Variants in CD2 observed in about 807,000 individuals in gnomAD.
The protein encoded by CD2 is CD2 molecule.
In CD2, 18 loss-of-function variants were observed where a neutral mutation model predicts 23.2. The ratio of observed to expected loss-of-function variants is 0.77; its 90% CI spans 0.54 to 1.15. The LOEUF is 1.15. Among genes scored for constraint, CD2 ranks in the 50% most tolerant of loss-of-function variants. The probability of loss-of-function intolerance (pLI) is 0.00; values close to 1 mark genes in which losing one functional copy is unlikely to be tolerated. For synonymous variants in CD2, 162 were observed against 151.9 expected (o/e 1.07, Z -0.49); for missense variants, 424 against 423.1 (o/e 1.00, Z -0.02).
intron 4 of CD2, 76 bp from the exon 5 acceptor site, chr1:116,768,388 G>A (rs777077219): frequency 2.2e-6 from 3 of 1,385,142 alleles, no homozygotes; most frequent in Non-Finnish European, 3.0e-6. Flanking sequence ...ATGGCGCCTT[G>A]CATATAAAAG....
intron 2 of CD2, among the ~76,000 whole-genome samples, chr1:116,755,383 A>T (rs1651808200): frequency 6.6e-6 from 1 of 152,232 alleles, no homozygotes; most frequent in Admixed American, 6.5e-5. Context: ...GCTGCCCTGA[A>T]GGAGGAGTTA....
chr1:116,754,602 A>C, intron 1 of CD2, 29 bp from the exon 2 acceptor site: 1 of 1,607,208 alleles, frequency 6.2e-7, no homozygotes, highest in Non-Finnish European at 8.5e-7. Flanking sequence ...CCTGAAAGTG[A>C]CTCTCAGTAA....
In CD2 at chr1:116,754,630, G is replaced by T. The variant is rs1199959436; in HGVS notation, c.62-1G>T. The T allele has an allele frequency of 1.9e-6, 3 of 1,607,104 alleles. No homozygotes were observed. In the African/African-American group the frequency reaches 4.0e-5, roughly 22 times the overall value. ...CTCAGTAACTCTTTTGCTTTTTATAGGTGCAGTCTCCAAAGAGATTACGAA... is the reference window on the plus strand; with the variant it reads ...CTCAGTAACTCTTTTGCTTTTTATATGTGCAGTCTCCAAAGAGATTACGAA... On this transcript the variant is annotated splice_acceptor_variant, in intron 1 of 4. Transcript: ENST00000369478. LOFTEE classifies it high-confidence loss of function.
chr1:116,755,207 G>T (rs1192078234), intron 2 of CD2, among the ~76,000 whole-genome samples: 2 of 152,176 alleles, frequency 1.3e-5, no homozygotes, highest in Admixed American at 1.3e-4. Context: ...GTTGGGTGAA[G>T]AACCTGGATT....
chr1:116,758,552 G>T (rs1394080849), intron 2 of CD2, among the ~76,000 whole-genome samples: 2 of 152,230 alleles, frequency 1.3e-5, no homozygotes, highest in East Asian at 3.9e-4. Context: ...TGAGTGGAGA[G>T]CACCTTGTAG....
intron 2 of CD2, among the ~76,000 whole-genome samples, chr1:116,758,962 T>G (rs1033335019): frequency 1.3e-5 from 2 of 152,192 alleles, no homozygotes; most frequent in African/African-American, 4.8e-5. Flanking sequence ...CTTTTTTTTC[T>G]AAACAGCTTC....
chr1:116,760,691 A>T (rs906561633), intron 3 of CD2, 59 bp downstream of exon 3: 8 of 1,325,602 alleles, frequency 6.0e-6, no homozygotes, highest in Non-Finnish European at 7.6e-6. Context: ...AGGCAGAGGC[A>T]TGCTGCTCCA....
chr1:116,754,441 A>C lies in CD2; in HGVS notation c.-52A>C. On this transcript the variant is annotated 5_prime_UTR_variant, in exon 1 of 5. Transcript: ENST00000369478. ...GTGTGGACTCCACCAGTCTCACTTCAGTTCCTTTTGCATGAAGAGCTCAGA... is the reference window on the plus strand; with the variant it reads ...GTGTGGACTCCACCAGTCTCACTTCCGTTCCTTTTGCATGAAGAGCTCAGA... 1 of 1,511,862 alleles carries C rather than the reference A, an allele frequency of 6.6e-7. No homozygotes were observed. Among genetic ancestry groups the C allele is most frequent in the Non-Finnish European group, 9.1e-7 (1 of 1,093,160 alleles). The allele number at this position is 1,511,862 out of a possible 1,614,324, so 93.7% of individuals were successfully genotyped here. A position where few individuals can be genotyped will look rare whatever the true frequency, so the allele number is the denominator to read the frequency against.
Position 116,754,726 on chromosome 1 carries a change from G to A in CD2, c.157G>A (p.Asp53Asn), listed in dbSNP as rs1259308633. ...LDIPSFQMSD[D>N]IDDIKWEKTS... ...CATTCCTAGTTTTCAAATGAGTGAT[G>A]ATATTGACGATATAAAATGGGAAAA... The change falls in exon 2 of 5, where the codon GAT becomes AAT. Residue 53 changes from aspartate (D) to asparagine (N), a missense_variant. By Grantham distance (23) the Asp-to-Asn change is conservative. Coordinates refer to ENST00000369478, the MANE Select transcript of CD2 (RefSeq NM_001767.5). 3.7e-6 allele frequency: 6 copies of A among 1,612,994 alleles called. No homozygotes were observed. The highest frequency in any genetic ancestry group is 1.7e-5 in the Admixed American group (1 of 59,912).
At chr1:116,768,215 G>A (rs367793656) in intron 4 of CD2, among the ~76,000 whole-genome samples, 2 of 152,148 alleles carry the variant, frequency 1.3e-5, no homozygotes, top group South Asian at 2.1e-4. Context: ...CAGGCACAAA[G>A]CCCTCCACCC....
At chr1:116,765,078 G>A (rs551968943) in intron 4 of CD2, among the ~76,000 whole-genome samples, 64 of 152,314 alleles carry the variant, frequency 4.2e-4, no homozygotes, top group African/African-American at 1.4e-3. Flanking sequence ...CAGGGTGCCT[G>A]TGCCCCCTTT....
In CD2 at chr1:116,755,164, A is replaced by G. The variant is rs797998; in HGVS notation, c.382+213A>G. 7.9e-3 allele frequency: 4,527 copies of G among 576,206 alleles called. 172 individuals are homozygous for G. The highest frequency in any genetic ancestry group is 0.077 in the African/African-American group (4,089 of 52,938). 35.7% of individuals were successfully genotyped at this position (576,206 alleles called of 1,614,324 possible). On this transcript the variant is annotated intron_variant, in intron 2 of 4. Transcript: ENST00000369478. Reference sequence around the variant, plus strand: ...TAGACCCTCAAGTCTACCTGCCTACAACTCTGTCTTCAGGTGGTTACAGGA... The same window carrying G: ...TAGACCCTCAAGTCTACCTGCCTACGACTCTGTCTTCAGGTGGTTACAGGA...
Position 116,760,549 on chromosome 1 carries a change from C to T in CD2, c.530C>T (p.Thr177Ile). The T allele has an allele frequency of 6.2e-7, 1 of 1,614,186 alleles. No homozygotes were observed. The highest frequency in any genetic ancestry group is 8.5e-7 in the Non-Finnish European group (1 of 1,180,032). The change falls in exon 3 of 5, where the codon ACC becomes ATC. Residue 177 changes from threonine to isoleucine, a missense_variant. Transcript: ENST00000369478. ...CAGAGGGTCATCACACACAAGTGGA[C>T]CACCAGCCTGAGTGCAAAATTCAAG... Reference protein sequence around the residue: ...LSQRVITHKWTTSLSAKFKCT... With the variant: ...LSQRVITHKWITSLSAKFKCT...
rs779858103 is a variant in CD2, at chr1:116,754,851, T to G, written c.282T>G (p.Ile94Met). The G allele has an allele frequency of 1.1e-5, 18 of 1,612,690 alleles. No homozygotes were observed. In the South Asian group the frequency reaches 1.6e-4, roughly 15 times the overall value. Residue 94 changes from isoleucine (I) to methionine (M), a missense_variant, in exon 2 of 5, where the codon ATT becomes ATG. Physicochemically the swap from Ile to Met is conservative, Grantham distance 10. Transcript: ENST00000369478. ...YKLFKNGTLK[I>M]KHLKTDDQDI... ...TATTTAAAAATGGAACTCTGAAAAT[T>G]AAGCATCTGAAGACCGATGATCAGG...
Position 116,764,383 on chromosome 1 carries a change from G to A in CD2, c.614-101G>A, listed in dbSNP as rs953097910. On this transcript the variant is annotated intron_variant, in intron 3 of 4. Coordinates refer to ENST00000369478, the MANE Select transcript of CD2 (RefSeq NM_001767.5). ...GTTATGGGGTGAAAGGTCCCAACAA[G>A]CTCTTCTATCTGCTTGATGCAGGAG... The A allele has an allele frequency of 5.3e-6, 8 of 1,514,386 alleles. No homozygotes were observed. In the African/African-American group the frequency reaches 9.7e-5, roughly 18 times the overall value. The allele number at this position is 1,514,386 out of a possible 1,614,324, so 93.8% of individuals were successfully genotyped here.
chr1:116,766,622 G>A (rs148536374), intron 4 of CD2, among the ~76,000 whole-genome samples: 8 of 152,050 alleles, frequency 5.3e-5, no homozygotes, highest in African/African-American at 9.6e-5. Context: ...TTGGGAGGCC[G>A]AGGCAGGAGG....
Position 116,764,567 on chromosome 1 carries a change from T to C in CD2, c.697T>C (p.Tyr233His). Residue 233 changes from tyrosine to histidine, a missense_variant, in exon 4 of 5, where the codon TAT (tyrosine) becomes CAT (histidine). Coordinates refer to ENST00000369478, the MANE Select transcript of CD2 (RefSeq NM_001767.5). Reference protein sequence around the residue: ...LMVFVALLVFYITKRKKQRSR... With the variant: ...LMVFVALLVFHITKRKKQRSR... ...GGTCTTTGTGGCACTGCTCGTTTTCTATATCACCAAAAGGAAAAAACAGAG... is the reference window on the plus strand; with the variant it reads ...GGTCTTTGTGGCACTGCTCGTTTTCCATATCACCAAAAGGAAAAAACAGAG... 1 of 1,614,108 alleles carries C rather than the reference T, an allele frequency of 6.2e-7. No individual in the cohort carries two copies. Among genetic ancestry groups the C allele is most frequent in the Middle Eastern group, 1.7e-4 (1 of 6,060 alleles).
At chr1:116,767,715 A>G (rs542186883) in intron 4 of CD2, among the ~76,000 whole-genome samples, 64 of 152,240 alleles carry the variant, frequency 4.2e-4, no homozygotes, top group Non-Finnish European at 5.3e-4. Context: ...CTTACAGCCT[A>G]AAGGAGTCCA....
intron 3 of CD2, 194 bp from the exon 4 acceptor site, chr1:116,764,290 G>A (rs1398661781): frequency 3.1e-6 from 1 of 318,234 alleles, no homozygotes; most frequent in African/African-American, 2.3e-5. Flanking sequence ...AGCCTGCAGA[G>A]GGAGCTTCCC....
Sources: gnomAD v4.1 joint callset for allele counts (sites outside exome capture counted in the v4.1 genomes callset) on GRCh38, gnomAD v4.1.1 for gene constraint, MANE v1.5 for transcripts, NCBI Gene and HGNC (gene_info 2026-07-23, HGNC 2026-07-21) for gene names.